Variants in SNTG1 observed in about 807,000 individuals in gnomAD.
SNTG1 encodes gamma-1-syntrophin.
In SNTG1, 39 loss-of-function variants were observed where a neutral mutation model predicts 74.7. The observed-to-expected ratio is 0.52, with a 90% CI of 0.40 to 0.68. SNTG1 has a LOEUF of 0.68. SNTG1 is among the 30% of genes least tolerant of loss of function. SNTG1 has a pLI of 0.00. For missense variants in SNTG1, 685 were observed against 609.5 expected, an observed-to-expected ratio of 1.12 and a Z score of -1.30; for synonymous variants, 254 against 217.1, an observed-to-expected ratio of 1.17 and a Z score of -1.49.
At chr8:49,984,931 G>A in intron 1 of SNTG1, among the ~76,000 whole-genome samples, 1 of 151,718 alleles carries the variant, frequency 6.6e-6, no homozygotes, top group East Asian at 1.9e-4. Context: ...TTCTTCTGTT[G>A]GAGTATGTTT....
Position 50,461,603 on chromosome 8 carries a change from A to G in SNTG1, c.363+10874A>G, listed in dbSNP as rs566195306. ...ATACTTTGGGATGTAATCCAATACT[A>G]TCTTATATATTTTACTGGTCAACTG... On this transcript the variant is annotated intron_variant, in intron 8 of 18. Coordinates refer to ENST00000642720, the MANE Select transcript of SNTG1 (RefSeq NM_018967.5). Among the ~76,000 whole-genome samples the G allele has an allele frequency of 3.9e-5, 6 of 152,216 alleles. No individual in the cohort carries two copies. In the South Asian group the frequency reaches 1.2e-3, roughly 32 times the overall value.
At chr8:50,464,548 C>G (rs1242675086) in intron 8 of SNTG1, among the ~76,000 whole-genome samples, 1 of 152,030 alleles carries the variant, frequency 6.6e-6, no homozygotes, top group African/African-American at 2.4e-5. Context: ...ACACATTTAT[C>G]AATTAAGTTT....
chr8:50,060,440 A>T (rs1216410865), intron 1 of SNTG1, among the ~76,000 whole-genome samples: 1 of 152,074 alleles, frequency 6.6e-6, no homozygotes, highest in African/African-American at 2.4e-5. Context: ...TCCAAATCAC[A>T]AACACTTGTA....
rs376257355 is a variant in SNTG1 at position 50,314,730 on chromosome 8, G to A, written c.-27-79482G>A. Among the ~76,000 whole-genome samples, 9 of 149,814 alleles carry A rather than the reference G, an allele frequency of 6.0e-5. No homozygotes were observed. The South Asian group carries it at 6.6e-4, about 11-fold the overall frequency. ...ATCACCCCTTCCTTTACCCCATGTC[G>A]AAATGTAAATGATAATTATAGGACA... On this transcript the variant is annotated intron_variant, in intron 2 of 18. Coordinates refer to ENST00000642720, the MANE Select transcript of SNTG1 (RefSeq NM_018967.5).
chr8:50,345,936 A>T (rs932745969), intron 2 of SNTG1, among the ~76,000 whole-genome samples: 12 of 152,232 alleles, frequency 7.9e-5, no homozygotes, highest in African/African-American at 2.4e-4. Context: ...TTATTTTACC[A>T]AATCTAATAG....
intron 1 of SNTG1, among the ~76,000 whole-genome samples, chr8:50,072,984 C>T (rs1177042877): frequency 1.3e-5 from 2 of 152,114 alleles, no homozygotes; most frequent in Admixed American, 6.5e-5. Context: ...GTCAGGCCTC[C>T]ATATTGATGG....
At chr8:50,274,181 G>C (rs886102248) in intron 2 of SNTG1, among the ~76,000 whole-genome samples, 1 of 151,956 alleles carries the variant, frequency 6.6e-6, no homozygotes, top group Non-Finnish European at 1.5e-5. Flanking sequence ...TCGCCTCCCA[G>C]GTTCAAGCGA....
chr8:50,129,241 C>T (rs1415305369), intron 1 of SNTG1, among the ~76,000 whole-genome samples: 1 of 151,986 alleles, frequency 6.6e-6, no homozygotes, highest in Non-Finnish European at 1.5e-5. Context: ...GTTAGTTTAG[C>T]ACACACGCTG....
At chr8:50,499,138 C>T (rs1008359640) in intron 8 of SNTG1, among the ~76,000 whole-genome samples, 1 of 151,528 alleles carries the variant, frequency 6.6e-6, no homozygotes, top group Non-Finnish European at 1.5e-5. Flanking sequence ...AACAGTTTGT[C>T]AATTTTTATA....
At chr8:50,462,796 C>CTTTTTTTTTTTTTTTTTTTTTTTT (rs869119447) in intron 8 of SNTG1, among the ~76,000 whole-genome samples, 1 of 57,472 alleles carries the variant, frequency 1.7e-5, no homozygotes, top group African/African-American at 5.9e-5. Context: ...AGGTTCTACT[C>CTTTTTTTTTTTTTTTTTTTTTTTT]TTTTTTTTTT....
intron 2 of SNTG1, among the ~76,000 whole-genome samples, chr8:50,224,335 A>G (rs2085221727): frequency 6.6e-6 from 1 of 152,178 alleles, no homozygotes; most frequent in Admixed American, 6.5e-5. Context: ...ATCAGGGGAC[A>G]TCCCTCCATG....
intron 17 of SNTG1, among the ~76,000 whole-genome samples, chr8:50,716,697 G>A (rs1482574546): frequency 6.6e-6 from 1 of 150,502 alleles, no homozygotes; most frequent in African/African-American, 2.4e-5. Flanking sequence ...ATGTTATTGT[G>A]TAATATGAAA....
chr8:50,552,896 A>G (rs894690768), intron 11 of SNTG1, among the ~76,000 whole-genome samples, 154 bp from the exon 12 acceptor site: 2 of 152,186 alleles, frequency 1.3e-5, no homozygotes, highest in Non-Finnish European at 2.9e-5. Flanking sequence ...TTTCATTTAA[A>G]ACAGAGATGC....
intron 11 of SNTG1, among the ~76,000 whole-genome samples, chr8:50,547,309 T>A (rs1356742690): frequency 1.3e-5 from 2 of 152,152 alleles, no homozygotes; most frequent in African/African-American, 4.8e-5. Context: ...AAACATCAAC[T>A]AAATACCATT....
At chr8:50,104,801 T>C (rs1031556194) in intron 1 of SNTG1, among the ~76,000 whole-genome samples, 2 of 152,184 alleles carry the variant, frequency 1.3e-5, no homozygotes, top group Non-Finnish European at 2.9e-5. Flanking sequence ...TCTTTATTTC[T>C]GCCTTCATTT....
chr8:49,915,811 G>A (rs934426596), intron 1 of SNTG1, among the ~76,000 whole-genome samples: 2 of 152,156 alleles, frequency 1.3e-5, no homozygotes, highest in Non-Finnish European at 2.9e-5. Context: ...CAACATGCGG[G>A]CTGATCTAAG....
intron 11 of SNTG1, among the ~76,000 whole-genome samples, chr8:50,545,956 G>T (rs1179934929): frequency 1.3e-5 from 2 of 152,092 alleles, no homozygotes; most frequent in Non-Finnish European, 2.9e-5. Flanking sequence ...CTTAATTCAT[G>T]GTTGTTCATT....
At chr8:50,313,366 A>G (rs2090189536) in intron 2 of SNTG1, among the ~76,000 whole-genome samples, 1 of 149,734 alleles carries the variant, frequency 6.7e-6, no homozygotes, top group Non-Finnish European at 1.5e-5. Flanking sequence ...ACAATTTAAC[A>G]GGGCAGAAAG....
intron 2 of SNTG1, among the ~76,000 whole-genome samples, chr8:50,220,310 A>G (rs944824142): frequency 6.6e-6 from 1 of 152,206 alleles, no homozygotes; most frequent in Non-Finnish European, 1.5e-5. Context: ...TGCAGGTTAT[A>G]TAGATATATC....
Sources: allele counts gnomAD v4.1 joint callset (sites outside exome capture counted in the v4.1 genomes callset), GRCh38; gene constraint gnomAD v4.1.1; transcripts MANE v1.5; gene names NCBI Gene and HGNC (gene_info 2026-07-23, HGNC 2026-07-21).